NPHP4: variants seen among roughly 807,000 people sequenced by gnomAD.
NPHP4 encodes the protein nephrocystin-4.
NPHP4 carries 151 observed loss-of-function variants against 155.8 expected under a neutral mutation model. The ratio of observed to expected loss-of-function variants is 0.97; its 90% CI spans 0.85 to 1.11. NPHP4 has a LOEUF of 1.11. Among genes scored for constraint, NPHP4 ranks in the 50% least tolerant of loss-of-function variants. NPHP4 has a pLI of 0.00. For missense variants in NPHP4, 1,956 were observed against 1,925.7 expected (o/e 1.02, Z -0.29); for synonymous variants, 845 against 816.8 (o/e 1.03, Z -0.59).
chr1:5,992,297 CAG>C lies in NPHP4; in HGVS notation c.-94_-93del, dbSNP rs1225918676. 2.6e-5 allele frequency: 4 copies of C among 152,282 alleles called. No homozygotes were observed. The highest frequency in any genetic ancestry group is 2.0e-4 in the East Asian group (1 of 5,114). The allele number at this position is 152,282 out of a possible 1,614,324, so 9.4% of individuals were successfully genotyped here. A position where few individuals can be genotyped will look rare whatever the true frequency, so the allele number is the denominator to read the frequency against. On this transcript the variant is annotated 5_prime_UTR_variant, in exon 1 of 30. Coordinates refer to ENST00000378156, the MANE Select transcript of NPHP4 (RefSeq NM_015102.5). ...CGGAGGCCACGGAGCCCACGCTTTT[CAG>C]AGAGTCTCCACTCGACGGACCCAGA...
intron 3 of NPHP4, among the ~76,000 whole-genome samples, chr1:5,974,283 G>A (rs1446270712): frequency 4.6e-5 from 7 of 152,174 alleles, no homozygotes; most frequent in Admixed American, 3.9e-4. Flanking sequence ...GGGCTGGTGC[G>A]CTCTGGGAGG....
In NPHP4 at chr1:5,873,396, G is replaced by C; in HGVS notation, c.3232-61C>G. ...CAACACCATTAGGCGACCAGCACCTGTGCTTAGAGACACCACTGCCACCCA... is the reference window on the plus strand; with the variant it reads ...CAACACCATTAGGCGACCAGCACCTCTGCTTAGAGACACCACTGCCACCCA... On this transcript the variant is annotated intron_variant, in intron 22 of 29. Coordinates refer to ENST00000378156, the MANE Select transcript of NPHP4 (RefSeq NM_015102.5). 4.4e-6 allele frequency: 6 copies of C among 1,369,484 alleles called. No individual in the cohort carries two copies. The South Asian group carries it at 7.0e-5, about 16-fold the overall frequency. 84.8% of individuals were successfully genotyped at this position (1,369,484 alleles called of 1,614,324 possible).
rs751662952 is a variant in NPHP4, at chr1:5,907,139, GCC to G, written c.1585_1586del (p.Gly529LeufsTer85). On this transcript the variant is annotated frameshift_variant, in exon 13 of 30. Coordinates refer to ENST00000378156, the MANE Select transcript of NPHP4 (RefSeq NM_015102.5). LOFTEE classifies it high-confidence loss of function. ...CTGCCTGGGCCGGGGAGGCCTGAGA[GCC>G]ATGGGGTAGCTGTGAAGTAGGCCTG... ...LARPTSQLPH[G>X]SQASPAQAQE... 5.1e-6 allele frequency: 8 copies of G among 1,567,268 alleles called. No homozygotes were observed. In the African/African-American group the frequency reaches 9.5e-5, roughly 19 times the overall value.
intron 3 of NPHP4, among the ~76,000 whole-genome samples, chr1:5,973,452 T>C (rs961827094): frequency 2.0e-5 from 3 of 152,170 alleles, no homozygotes; most frequent in Non-Finnish European, 4.4e-5. Context: ...CTGGGTCTGG[T>C]GATGCATGCC....
chr1:5,864,999 A>G, intron 27 of NPHP4, 103 bp downstream of exon 27: 1 of 1,191,734 alleles, frequency 8.4e-7, no homozygotes, highest in Non-Finnish European at 1.2e-6. Flanking sequence ...GCGCTGGAAA[A>G]GCTGCTGTCA....
chr1:5,900,069 T>C (rs911365228), intron 16 of NPHP4, among the ~76,000 whole-genome samples: 4 of 152,166 alleles, frequency 2.6e-5, no homozygotes, highest in African/African-American at 9.7e-5. Context: ...CACCAAATGC[T>C]GGTGAGGATA....
Position 5,952,685 on chromosome 1 carries a change from C to T in NPHP4, c.810+15G>A. On this transcript the variant is annotated intron_variant, in intron 7 of 29. Coordinates refer to ENST00000378156, the MANE Select transcript of NPHP4 (RefSeq NM_015102.5). ...TGGCCCCACCCTGCCCCCCATCACGCTTCTGACTCCACACCTCCTGGAAGT... is the reference window on the plus strand; with the variant it reads ...TGGCCCCACCCTGCCCCCCATCACGTTTCTGACTCCACACCTCCTGGAAGT... The T allele has an allele frequency of 6.5e-7, 1 of 1,546,486 alleles. No homozygotes were observed. Among genetic ancestry groups the T allele is most frequent in the East Asian group, 2.5e-5 (1 of 40,700 alleles).
At chr1:5,874,329 A>T in intron 22 of NPHP4, 142 bp downstream of exon 22, 1 of 774,150 alleles carries the variant, frequency 1.3e-6, no homozygotes, top group Non-Finnish European at 2.0e-6. Context: ...GCTCTTGTTG[A>T]GCACCAAGGG....
intron 11 of NPHP4, among the ~76,000 whole-genome samples, chr1:5,920,982 T>C (rs1645714838): frequency 6.6e-6 from 1 of 152,268 alleles, no homozygotes; most frequent in Non-Finnish European, 1.5e-5. Flanking sequence ...TTCTCAAGTT[T>C]GTTTTTCATA....
chr1:5,890,117 C>T lies in NPHP4; in HGVS notation c.2304+751G>A, dbSNP rs1470902702. ...GGACAGGAAGCCCCGGGGGTTCAGCCGTGTCAGGAATCCAGGAGGAAAGCA... is the reference window on the plus strand; with the variant it reads ...GGACAGGAAGCCCCGGGGGTTCAGCTGTGTCAGGAATCCAGGAGGAAAGCA... On this transcript the variant is annotated intron_variant, in intron 17 of 29. Coordinates refer to ENST00000378156, the MANE Select transcript of NPHP4 (RefSeq NM_015102.5). The surrounding 1 kb of genome is among the most constrained non-coding windows in gnomAD (Gnocchi z 4.9). Among the ~76,000 whole-genome samples, 1 of 152,062 alleles carries T rather than the reference C, an allele frequency of 6.6e-6. No homozygotes were observed. The highest frequency in any genetic ancestry group is 2.4e-5 in the African/African-American group (1 of 41,372).
intron 7 of NPHP4, among the ~76,000 whole-genome samples, chr1:5,949,661 G>A (rs1042768267): frequency 6.6e-5 from 10 of 152,000 alleles, no homozygotes; most frequent in Non-Finnish European, 1.2e-4. Flanking sequence ...AGAGGACCCC[G>A]TCCAGACCTG....
chr1:5,897,429 C>T (rs914232581), intron 16 of NPHP4, among the ~76,000 whole-genome samples: 2 of 152,198 alleles, frequency 1.3e-5, no homozygotes, highest in Non-Finnish European at 2.9e-5. Flanking sequence ...GTCTGACATT[C>T]GCGCCTCCTG....
At chr1:5,887,593 G>A (rs1643890265) in intron 17 of NPHP4, 127 bp from the exon 18 acceptor site, 2 of 959,132 alleles carry the variant, frequency 2.1e-6, no homozygotes, top group South Asian at 1.6e-5. Context: ...GTGTGCGCAG[G>A]ATAAGACCCT....
At chr1:5,895,627 C>T (rs1644357305) in intron 16 of NPHP4, among the ~76,000 whole-genome samples, 1 of 152,206 alleles carries the variant, frequency 6.6e-6, no homozygotes, top group South Asian at 2.1e-4. Flanking sequence ...AGCAGCCCCA[C>T]GGATTGCCAG....
At chr1:5,915,138 G>C (rs1040409684) in intron 11 of NPHP4, among the ~76,000 whole-genome samples, 8 of 152,244 alleles carry the variant, frequency 5.3e-5, no homozygotes, top group African/African-American at 1.9e-4. Flanking sequence ...GGAGGGAGAG[G>C]GGGCAGCACG....
intron 11 of NPHP4, among the ~76,000 whole-genome samples, chr1:5,913,124 C>A (rs1178634002): frequency 6.8e-6 from 1 of 147,896 alleles, no homozygotes; most frequent in Non-Finnish European, 1.5e-5. Flanking sequence ...GCACTCCAAC[C>A]TGGGCAAAAA....
chr1:5,868,835 C>T lies in NPHP4; in HGVS notation c.3316-939G>A, dbSNP rs1570082514. On this transcript the variant is annotated intron_variant, in intron 23 of 29. Transcript: ENST00000378156. Reference sequence around the variant, plus strand: ...ACATCCACCCACACATGCACACACGCACCCACACACGCATGCACACACATA... The same window carrying T: ...ACATCCACCCACACATGCACACACGTACCCACACACGCATGCACACACATA... Among the ~76,000 whole-genome samples the T allele has an allele frequency of 2.7e-5, 4 of 147,186 alleles. No individual in the cohort carries two copies. In the South Asian group the frequency reaches 8.7e-4, roughly 32 times the overall value.
chr1:5,875,677 T>C (rs922498628), intron 20 of NPHP4, among the ~76,000 whole-genome samples: 2 of 152,228 alleles, frequency 1.3e-5, no homozygotes, highest in Non-Finnish European at 2.9e-5. Context: ...GGTTGGAGAC[T>C]GGCCTGTTTT....
intron 23 of NPHP4, among the ~76,000 whole-genome samples, chr1:5,869,936 A>G (rs1451994215): frequency 6.6e-6 from 1 of 152,252 alleles, no homozygotes; most frequent in Non-Finnish European, 1.5e-5. Flanking sequence ...TCAGCACACT[A>G]GAAACAGTAG....
Sources: allele counts gnomAD v4.1 joint callset (sites outside exome capture counted in the v4.1 genomes callset), GRCh38; gene constraint gnomAD v4.1.1; non-coding constraint Gnocchi (gnomAD v3.1); transcripts MANE v1.5; gene names NCBI Gene and HGNC (gene_info 2026-07-23, HGNC 2026-07-21).